The following PKN2 variants were observed in gnomAD, a reference collection of about 807,000 sequenced individuals.
The protein encoded by PKN2 is serine/threonine-protein kinase N2.
PKN2 carries 38 observed loss-of-function variants against 119.1 expected under a neutral mutation model. That is an observed-to-expected ratio of 0.32 (90% CI 0.25 to 0.42). PKN2 has a LOEUF of 0.42. Ranked by LOEUF, PKN2 falls within the 10% of genes least tolerant of loss-of-function variation. The probability of loss-of-function intolerance (pLI) is 1.00; values close to 1 mark genes in which losing one functional copy is unlikely to be tolerated. For synonymous variants in PKN2, 390 were observed against 384.9 expected, an observed-to-expected ratio of 1.01 and a Z score of -0.15; for missense variants, 850 against 1,165.1, an observed-to-expected ratio of 0.73 and a Z score of 3.94.
At chr1:88,793,690 A>G (rs530273513) in intron 8 of PKN2, among the ~76,000 whole-genome samples, 1 of 152,266 alleles carries the variant, frequency 6.6e-6, no homozygotes, top group South Asian at 2.1e-4. Context: ...TGGATGCTCA[A>G]GTCCTTTATA....
intron 2 of PKN2, among the ~76,000 whole-genome samples, chr1:88,751,514 C>T (rs1448923667): frequency 6.6e-6 from 1 of 152,062 alleles, no homozygotes; most frequent in African/African-American, 2.4e-5. Flanking sequence ...TAAGTTCCCT[C>T]TGTCCAAAAT....
intron 17 of PKN2, among the ~76,000 whole-genome samples, chr1:88,822,394 C>G (rs777688465): frequency 3.9e-5 from 6 of 152,176 alleles, no homozygotes; most frequent in Non-Finnish European, 7.4e-5. Flanking sequence ...CACTGCTTCC[C>G]TCATTAAGAA....
intron 3 of PKN2, among the ~76,000 whole-genome samples, chr1:88,769,001 C>T (rs1279943477): frequency 6.6e-6 from 1 of 152,106 alleles, no homozygotes; most frequent in Non-Finnish European, 1.5e-5. Flanking sequence ...AGCTCAACAA[C>T]CAGCGTGAAC....
chr1:88,695,820 G>T (rs1666520252), intron 1 of PKN2, among the ~76,000 whole-genome samples: 1 of 151,962 alleles, frequency 6.6e-6, no homozygotes, highest in Admixed American at 6.6e-5. Context: ...CTGGCTCTTG[G>T]CTTAAAAATA....
At position 88,833,407 on chromosome 1, in the gene PKN2, G is replaced by A. The variant is rs1360903011; in HGVS notation, c.2914G>A (p.Glu972Lys). ...AAGGATACTTTCGGAAGAGGAGCAG[G>A]AAATGTTCAGAGATTTTGACTACAT... ...EPRILSEEEQ[E>K]MFRDFDYIAD... Residue 972 changes from glutamate to lysine, a missense_variant, in exon 22 of 22, where the codon GAA (glutamate) becomes AAA (lysine). By Grantham distance (56) the Glu-to-Lys change is moderately conservative (BLOSUM62 1). Around this residue, in one of 9 missense-constraint regions of PKN2, gnomAD observed 52 missense variants for 39.9 expected, o/e 1.30. Transcript: ENST00000370521. 4 of 1,613,330 alleles carry A rather than the reference G, an allele frequency of 2.5e-6. No homozygotes were observed. Among genetic ancestry groups the A allele is most frequent in the Non-Finnish European group, 3.4e-6 (4 of 1,179,400 alleles).
At chr1:88,783,651 A>G (rs1275054889) in intron 6 of PKN2, among the ~76,000 whole-genome samples, 8 of 152,352 alleles carry the variant, frequency 5.3e-5, no homozygotes, top group African/African-American at 1.7e-4. Context: ...TATTCATTGT[A>G]CAGTATCTAA....
chr1:88,717,990 C>G (rs537726223), intron 1 of PKN2, among the ~76,000 whole-genome samples: 2 of 152,220 alleles, frequency 1.3e-5, no homozygotes, highest in African/African-American at 4.8e-5. Context: ...GTATGGATGT[C>G]CTTTTTGTTG....
intron 6 of PKN2, among the ~76,000 whole-genome samples, chr1:88,772,858 C>T (rs113928196): frequency 2.6e-5 from 4 of 151,948 alleles, no homozygotes; most frequent in African/African-American, 9.6e-5. Flanking sequence ...TTTCATTCTT[C>T]TTTGATCGTG....
At chr1:88,819,484 G>A (rs2100909627) in intron 16 of PKN2, among the ~76,000 whole-genome samples, 1 of 152,330 alleles carries the variant, frequency 6.6e-6, no homozygotes. Context: ...ACGCCAGTTA[G>A]AATGGCGATC....
chr1:88,820,180 C>CTATATATATATA (rs397980752), intron 16 of PKN2, among the ~76,000 whole-genome samples: 12 of 70,718 alleles, frequency 1.7e-4, no homozygotes, highest in South Asian at 5.2e-4. Flanking sequence ...TTTCAGAAAC[C>CTATATATATATA]TATATATATA....
chr1:88,813,502 A>G, intron 15 of PKN2, 55 bp from the exon 16 acceptor site: 1 of 1,233,188 alleles, frequency 8.1e-7, no homozygotes, highest in African/African-American at 1.6e-5. Flanking sequence ...AAAGAATGTT[A>G]TTTCCAACTA....
At chr1:88,702,562 T>A (rs1666815963) in intron 1 of PKN2, among the ~76,000 whole-genome samples, 1 of 152,136 alleles carries the variant, frequency 6.6e-6, no homozygotes, top group Non-Finnish European at 1.5e-5. Context: ...AGATCAACAG[T>A]AAAAAAAGAT....
intron 1 of PKN2, among the ~76,000 whole-genome samples, chr1:88,695,730 A>G (rs2100654409): frequency 6.6e-6 from 1 of 152,094 alleles, no homozygotes; most frequent in East Asian, 1.9e-4. Context: ...CTTCTTGGTA[A>G]GGTTATACTT....
chr1:88,827,753 C>CTT (rs1170533152), intron 18 of PKN2, among the ~76,000 whole-genome samples: 3 of 150,536 alleles, frequency 2.0e-5, no homozygotes, highest in Non-Finnish European at 4.4e-5. Flanking sequence ...GAGTTTTGCT[C>CTT]TTGTCACCCA....
At chr1:88,707,526 AT>A (rs1667051064) in intron 1 of PKN2, among the ~76,000 whole-genome samples, 1 of 152,146 alleles carries the variant, frequency 6.6e-6, no homozygotes, top group Non-Finnish European at 1.5e-5. Flanking sequence ...TGCATTTTAT[AT>A]ACATGATTAT....
intron 16 of PKN2, among the ~76,000 whole-genome samples, chr1:88,816,116 G>A (rs1671979237): frequency 6.7e-6 from 1 of 148,734 alleles, no homozygotes; most frequent in Admixed American, 6.8e-5. Flanking sequence ...CTCCACCCTG[G>A]GCGACAGAGT....
chr1:88,731,583 A>G (rs1383173735), intron 1 of PKN2, among the ~76,000 whole-genome samples: 2 of 152,216 alleles, frequency 1.3e-5, no homozygotes, highest in Non-Finnish European at 2.9e-5. Flanking sequence ...CCCCAAGACT[A>G]AAATCAAGAA....
chr1:88,776,165 G>T (rs112534865), intron 6 of PKN2, among the ~76,000 whole-genome samples: 3 of 148,254 alleles, frequency 2.0e-5, no homozygotes, highest in African/African-American at 7.6e-5. Flanking sequence ...TTTTACCTGC[G>T]TTTGTCTTCC....
intron 1 of PKN2, among the ~76,000 whole-genome samples, chr1:88,691,318 G>A (rs980126498): frequency 5.3e-5 from 8 of 152,036 alleles, no homozygotes; most frequent in African/African-American, 1.9e-4. Flanking sequence ...ACCTGCCTTG[G>A]CCTCCCAAAG....
Sources: allele counts gnomAD v4.1 joint callset (sites outside exome capture counted in the v4.1 genomes callset), GRCh38; gene constraint gnomAD v4.1.1; regional missense constraint gnomAD v4.1.1; transcripts MANE v1.5; gene names NCBI Gene and HGNC (gene_info 2026-07-23, HGNC 2026-07-21).